BTN1A1: variants seen among roughly 807,000 people sequenced by gnomAD.
The protein encoded by BTN1A1 is butyrophilin subfamily 1 member A1.
BTN1A1 carries 26 observed loss-of-function variants against 33.1 expected under a neutral mutation model. The observed-to-expected ratio is 0.79, with a 90% confidence interval of 0.58 to 1.09. BTN1A1 has a LOEUF of 1.09. Among genes scored for constraint, BTN1A1 ranks in the 50% least tolerant of loss-of-function variants. The pLI is 0.00. For synonymous variants in BTN1A1, 235 were observed against 256.2 expected (o/e 0.92, Z 0.79); for missense variants, 558 against 655.7 (o/e 0.85, Z 1.63).
Position 26,508,776 on chromosome 6 carries a change from G to A in BTN1A1, c.1183G>A (p.Ala395Thr). The A allele has an allele frequency of 1.2e-6, 2 of 1,614,152 alleles. No homozygotes were observed. The highest frequency in any genetic ancestry group is 4.5e-5 in the East Asian group (2 of 44,878). ...CATGACTCCTGAGAATGGGTTCTGGGCTGTAGAGTTGTATGGAAATGGGTA... is the reference window on the plus strand; with the variant it reads ...CATGACTCCTGAGAATGGGTTCTGGACTGTAGAGTTGTATGGAAATGGGTA... ...DPMTPENGFW[A>T]VELYGNGYWA... The change falls in exon 8 of 8, where the codon GCT (alanine) becomes ACT (threonine). Residue 395 changes from alanine to threonine, a missense_variant. Coordinates refer to ENST00000684113, the MANE Select transcript of BTN1A1 (RefSeq NM_001732.3).
At position 26,509,245 on chromosome 6, in the gene BTN1A1, G is replaced by T; in HGVS notation, c.*71G>T. On this transcript the variant is annotated 3_prime_UTR_variant, in exon 8 of 8. Coordinates refer to ENST00000684113, the MANE Select transcript of BTN1A1 (RefSeq NM_001732.3). ...TCCATAGCCTTCTGAGGCTTCACCT[G>T]CTAGCTTTACCCAGTCTGTTTCTTC... 7.2e-7 allele frequency: 1 copy of T among 1,380,322 alleles called. No homozygotes were observed. The allele number at this position is 1,380,322 out of a possible 1,614,324, so 85.5% of individuals were successfully genotyped here. A position where few individuals can be genotyped will look rare whatever the true frequency, so the allele number is the denominator to read the frequency against.
intron 4 of BTN1A1, 94 bp from the exon 5 acceptor site, chr6:26,506,589 C>A: frequency 7.4e-7 from 1 of 1,353,072 alleles, no homozygotes; most frequent in Non-Finnish European, 1.0e-6. Flanking sequence ...GTGGTCCAGG[C>A]CATCACCTCT....
chr6:26,501,147 A>C lies in BTN1A1; in HGVS notation c.-57-83A>C. The C allele has an allele frequency of 2.8e-6, 2 of 712,362 alleles. No homozygotes were observed. The highest frequency in any genetic ancestry group is 2.7e-5 in the East Asian group (1 of 37,670). The allele number at this position is 712,362 out of a possible 1,614,324, so 44.1% of individuals were successfully genotyped here. On this transcript the variant is annotated intron_variant, in intron 1 of 7. Coordinates refer to ENST00000684113, the MANE Select transcript of BTN1A1 (RefSeq NM_001732.3). This position sits in a 1 kb window ranked among gnomAD's most constrained non-coding sequence, Gnocchi z 5.2. ...AGGGGCAAATGACCAGAACACTTGC[A>C]GCTGGAAAGAACTGTAGAGAGGACT...
chr6:26,506,864 C>T, intron 5 of BTN1A1, 32 bp downstream of exon 5: 1 of 1,610,988 alleles, frequency 6.2e-7, no homozygotes, highest in Non-Finnish European at 8.5e-7. Flanking sequence ...GGCTACGTGT[C>T]AGGAGTGCTT....
At position 26,508,402 on chromosome 6, in the gene BTN1A1, C is replaced by G. The variant is rs1202917619; in HGVS notation, c.908-99C>G. On this transcript the variant is annotated intron_variant, in intron 7 of 7. Transcript: ENST00000684113. ...ATCCCCCCACCTCCAGAAGACCTGT[C>G]AACTCCTACAACAGTGTTCTGTTTC... The G allele has an allele frequency of 2.2e-6, 3 of 1,353,532 alleles. No homozygotes were observed. The African/African-American group carries it at 4.4e-5, about 20-fold the overall frequency. 83.8% of individuals were successfully genotyped at this position (1,353,532 alleles called of 1,614,324 possible).
At position 26,510,404 on chromosome 6, in the gene BTN1A1, TAA is replaced by T. The variant is rs2113897182; in HGVS notation, c.*1231_*1232del. 1 of 152,372 alleles carries T rather than the reference TAA, an allele frequency of 6.6e-6. No homozygotes were observed. Among genetic ancestry groups the T allele is most frequent in the Non-Finnish European group, 1.5e-5 (1 of 68,038 alleles). The allele number at this position is 152,372 out of a possible 1,614,324, so 9.4% of individuals were successfully genotyped here. ...TTGCTCATCGTCTTTACCTAATAAATAAGTTTGTCTGATTGCTGAAAGCAACC... is the reference window on the plus strand; with the variant it reads ...TTGCTCATCGTCTTTACCTAATAAATGTTTGTCTGATTGCTGAAAGCAACC... On this transcript the variant is annotated 3_prime_UTR_variant, in exon 8 of 8. Transcript: ENST00000684113.
chr6:26,508,279 T>A (rs1474843792), intron 7 of BTN1A1, among the ~76,000 whole-genome samples, 192 bp downstream of exon 7: 1 of 151,942 alleles, frequency 6.6e-6, no homozygotes, highest in African/African-American at 2.4e-5. Context: ...TCCGACAGAG[T>A]CCCATTAGGC....
chr6:26,508,532 T>TCC lies in BTN1A1; in HGVS notation c.942_943dup (p.His315ProfsTer66), dbSNP rs1763901283. 6.2e-7 allele frequency: 1 copy of TCC among 1,613,792 alleles called. No homozygotes were observed. The highest frequency in any genetic ancestry group is 1.6e-4 in the Middle Eastern group (1 of 6,084). ...TGACTCTGGACCCAGACACAGCTCATCCCCACCTCTTTCTTTATGAGGATT... is the reference window on the plus strand; with the variant it reads ...TGACTCTGGACCCAGACACAGCTCATCCCCCCACCTCTTTCTTTATGAGGATT... On this transcript the variant is annotated frameshift_variant, in exon 8 of 8. Transcript: ENST00000684113. LOFTEE classifies it low-confidence loss of function (END_TRUNC).
Position 26,501,198 on chromosome 6 carries a change from C to A in BTN1A1, c.-57-32C>A. Reference sequence around the variant, plus strand: ...TTGGAAAGCGGAGGGTTGACAGAGCCGGTAGTTGTCTCCTGTCCATTCATC... The same window carrying A: ...TTGGAAAGCGGAGGGTTGACAGAGCAGGTAGTTGTCTCCTGTCCATTCATC... On this transcript the variant is annotated intron_variant, in intron 1 of 7. Coordinates refer to ENST00000684113, the MANE Select transcript of BTN1A1 (RefSeq NM_001732.3). This position sits in a 1 kb window ranked among gnomAD's most constrained non-coding sequence, Gnocchi z 5.2. 2 of 1,086,628 alleles carry A rather than the reference C, an allele frequency of 1.8e-6. No homozygotes were observed. The highest frequency in any genetic ancestry group is 2.8e-6 in the Non-Finnish European group (2 of 703,424). 67.3% of individuals were successfully genotyped at this position (1,086,628 alleles called of 1,614,324 possible). A position where few individuals can be genotyped will look rare whatever the true frequency, so the allele number is the denominator to read the frequency against.
Position 26,501,118 on chromosome 6 carries a change from T to A in BTN1A1, c.-57-112T>A. 1.6e-6 allele frequency: 1 copy of A among 637,540 alleles called. No individual in the cohort carries two copies. 39.5% of individuals were successfully genotyped at this position (637,540 alleles called of 1,614,324 possible). A position where few individuals can be genotyped will look rare whatever the true frequency, so the allele number is the denominator to read the frequency against. On this transcript the variant is annotated intron_variant, in intron 1 of 7. Coordinates refer to ENST00000684113, the MANE Select transcript of BTN1A1 (RefSeq NM_001732.3). This position sits in a 1 kb window ranked among gnomAD's most constrained non-coding sequence, Gnocchi z 5.2. ...ACTGGGGATGGAGGCTGAGAGGAGG[T>A]TTCAGGGGCAAATGACCAGAACACT...
Position 26,504,925 on chromosome 6 carries a change from C to A in BTN1A1, c.428C>A (p.Ala143Asp). 1 of 1,613,900 alleles carries A rather than the reference C, an allele frequency of 6.2e-7. No individual in the cohort carries two copies. The highest frequency in any genetic ancestry group is 1.7e-4 in the Middle Eastern group (1 of 6,034). ...EEALVHLKVA[A>D]LGSDPHISMQ... is the part of the protein sequence containing the mutation. The stretch of plus-strand genomic sequence containing the variant: ...TTAAGTCCAGATTCTCTCTCCATAG[C>A]TCTGGGCTCTGACCCTCACATCAGT... Residue 143 changes from alanine (A) to aspartate (D), a missense_variant and splice_region_variant, in exon 4 of 8, where the codon GCT becomes GAT. By Grantham distance (126) the Ala-to-Asp change is moderately radical. Transcript: ENST00000684113.
At chr6:26,504,122 T>C (rs983398356) in intron 3 of BTN1A1, among the ~76,000 whole-genome samples, 1 of 152,182 alleles carries the variant, frequency 6.6e-6, no homozygotes, top group African/African-American at 2.4e-5. Flanking sequence ...TGAGGGAATA[T>C]GAAGTTGAGA....
At chr6:26,502,916 G>A (rs1581428526) in intron 3 of BTN1A1, among the ~76,000 whole-genome samples, 1 of 152,326 alleles carries the variant, frequency 6.6e-6, no homozygotes, top group Admixed American at 6.5e-5. Flanking sequence ...AAGCTTTGAG[G>A]AGGAAAGTAC....
At chr6:26,507,721 T>TAAAAAA (rs1554139273) in intron 5 of BTN1A1, among the ~76,000 whole-genome samples, 3 of 147,858 alleles carry the variant, frequency 2.0e-5, no homozygotes, top group South Asian at 4.3e-4. Context: ...TGAGATTCTA[T>TAAAAAA]AAAAAAAAAA....
chr6:26,506,602 T>G, intron 4 of BTN1A1, 81 bp from the exon 5 acceptor site: 3 of 1,483,512 alleles, frequency 2.0e-6, no homozygotes, highest in Non-Finnish European at 2.8e-6. Flanking sequence ...TCACCTCTTC[T>G]ACCCTCCTTT....
chr6:26,510,377 C>T lies in BTN1A1; in HGVS notation c.*1203C>T, dbSNP rs1056668. The T allele has an allele frequency of 0.36, 55,268 of 152,236 alleles. 12,237 individuals are homozygous for T. The highest frequency in any genetic ancestry group is 0.69 in the East Asian group (3,557 of 5,178). The allele number at this position is 152,236 out of a possible 1,614,324, so 9.4% of individuals were successfully genotyped here. A position where few individuals can be genotyped will look rare whatever the true frequency, so the allele number is the denominator to read the frequency against. ...CGTATTCTCCAGTTTCCAGGATAGA[C>T]GTTGCTCATCGTCTTTACCTAATAA... On this transcript the variant is annotated 3_prime_UTR_variant, in exon 8 of 8. Coordinates refer to ENST00000684113, the MANE Select transcript of BTN1A1 (RefSeq NM_001732.3).
chr6:26,508,150 T>C (rs1192851480), intron 7 of BTN1A1, 63 bp downstream of exon 7: 4 of 1,516,464 alleles, frequency 2.6e-6, no homozygotes, highest in Non-Finnish European at 3.6e-6. Flanking sequence ...CAAAGTGCTA[T>C]GATACTTGGA....
chr6:26,509,082 T>C lies in BTN1A1; in HGVS notation c.1489T>C (p.Leu497=), dbSNP rs757189211. 3.7e-6 allele frequency: 6 copies of C among 1,614,134 alleles called. No individual in the cohort carries two copies. In the East Asian group the frequency reaches 1.1e-4, roughly 30 times the overall value. The change falls in exon 8 of 8, where the codon TTG becomes CTG. Residue 497 remains leucine, a synonymous_variant. Transcript: ENST00000684113. Reference sequence around the variant, plus strand: ...CCAGGACCTTTCTAAGGAGATCCCATTGTCCCCCATGGGGGAGGACTCTGC... The same window carrying C: ...CCAGGACCTTTCTAAGGAGATCCCACTGTCCCCCATGGGGGAGGACTCTGC... ...NAQDLSKEIP[L]SPMGEDSAPR...
chr6:26,507,561 A>G lies in BTN1A1; in HGVS notation c.860-389A>G, dbSNP rs536257463. ...GACAACATGGTGAAACCCCGTCTCT[A>G]ATGAAAATACAAAATTTAGCCAGGG... is the stretch of plus-strand genomic sequence containing the variant. On this transcript the variant is annotated intron_variant, in intron 5 of 7. Coordinates refer to ENST00000684113, the MANE Select transcript of BTN1A1 (RefSeq NM_001732.3). Among the ~76,000 whole-genome samples the G allele has an allele frequency of 3.3e-5, 5 of 152,070 alleles. No homozygotes were observed. In the South Asian group the frequency reaches 8.3e-4, roughly 25 times the overall value.
Sources: gnomAD v4.1 joint callset for allele counts (sites outside exome capture counted in the v4.1 genomes callset) on GRCh38, gnomAD v4.1.1 for gene constraint, Gnocchi (gnomAD v3.1) non-coding constraint, MANE v1.5 for transcripts, NCBI Gene and HGNC (gene_info 2026-07-23, HGNC 2026-07-21) for gene names.